PDZRN3: variants seen among roughly 807,000 people sequenced by gnomAD.
PDZRN3 encodes PDZ domain containing ring finger 3.
Under a neutral mutation model 85.7 loss-of-function variants are expected in PDZRN3, and 38 were observed. That is an observed-to-expected ratio of 0.44 (90% confidence interval 0.34 to 0.58). PDZRN3 has a LOEUF of 0.58. Among genes scored for constraint, PDZRN3 ranks in the 20% least tolerant of loss-of-function variants. PDZRN3 has a pLI of 0.01. For missense variants in PDZRN3, 1,629 were observed against 1,506.4 expected, an observed-to-expected ratio of 1.08 and a Z score of -1.35; for synonymous variants, 759 against 638.0, an observed-to-expected ratio of 1.19 and a Z score of -2.86.
chr3:73,472,708 T>A (rs1389607072), intron 3 of PDZRN3, among the ~76,000 whole-genome samples: 1 of 152,230 alleles, frequency 6.6e-6, no homozygotes, highest in Middle Eastern at 3.2e-3. Flanking sequence ...ACACTTTCCA[T>A]TATTAAACCT....
rs144046136 is a variant in PDZRN3, at chr3:73,436,076, G to A, written c.919-31681C>T. The stretch of plus-strand genomic sequence containing the variant: ...CCTTCCAACCCCCATCCCCATCTCC[G>A]CTCAAATGAAGCCTCCTTAGAAAAG... On this transcript the variant is annotated intron_variant, in intron 3 of 9. Coordinates refer to ENST00000263666, the MANE Select transcript of PDZRN3 (RefSeq NM_015009.3). 1.3e-4 allele frequency among the ~76,000 whole-genome samples: 20 copies of A among 152,042 alleles called. No homozygotes were observed. The East Asian group carries it at 3.9e-3, about 29-fold the overall frequency.
intron 3 of PDZRN3, among the ~76,000 whole-genome samples, chr3:73,488,898 C>G (rs4234171): frequency 6.6e-6 from 1 of 152,116 alleles, no homozygotes; most frequent in Non-Finnish European, 1.5e-5. Context: ...GATTTCCATC[C>G]TTGGTGGGGC....
chr3:73,611,978 C>T (rs1189823453), intron 1 of PDZRN3, among the ~76,000 whole-genome samples: 1 of 152,144 alleles, frequency 6.6e-6, no homozygotes, highest in Non-Finnish European at 1.5e-5. Flanking sequence ...AGGCTCTTAT[C>T]GAAGCTGCTT....
chr3:73,612,499 C>A (rs112420650), intron 1 of PDZRN3, among the ~76,000 whole-genome samples: 47 of 152,172 alleles, frequency 3.1e-4, no homozygotes, highest in African/African-American at 1.1e-3. Context: ...TCTATTATAC[C>A]CTGAAAAGTA....
intron 3 of PDZRN3, among the ~76,000 whole-genome samples, chr3:73,423,191 C>A (rs1702237632): frequency 6.6e-6 from 1 of 152,180 alleles, no homozygotes; most frequent in African/African-American, 2.4e-5. Flanking sequence ...ATAGTAATTT[C>A]TCTGTTTTGA....
chr3:73,461,740 A>C (rs557718197), intron 3 of PDZRN3, among the ~76,000 whole-genome samples: 2 of 152,194 alleles, frequency 1.3e-5, no homozygotes, highest in African/African-American at 4.8e-5. Context: ...ATGTGTACAT[A>C]AAAAAAGTAT....
At chr3:73,439,014 C>T (rs1229658045) in intron 3 of PDZRN3, among the ~76,000 whole-genome samples, 1 of 152,190 alleles carries the variant, frequency 6.6e-6, no homozygotes, top group African/African-American at 2.4e-5. Flanking sequence ...TAAGTCTCAC[C>T]TCCTCTGTCC....
At chr3:73,418,925 G>A (rs938760279) in intron 3 of PDZRN3, among the ~76,000 whole-genome samples, 1 of 152,180 alleles carries the variant, frequency 6.6e-6, no homozygotes, top group Admixed American at 6.5e-5. Flanking sequence ...CCTGGCCAAA[G>A]CACAGTTCTG....
At chr3:73,464,468 T>A (rs1703171583) in intron 3 of PDZRN3, among the ~76,000 whole-genome samples, 1 of 152,232 alleles carries the variant, frequency 6.6e-6, no homozygotes, top group African/African-American at 2.4e-5. Context: ...GCTCTAATTG[T>A]CATTGTTGAA....
At chr3:73,431,414 T>C (rs1037979884) in intron 3 of PDZRN3, among the ~76,000 whole-genome samples, 1 of 152,224 alleles carries the variant, frequency 6.6e-6, no homozygotes, top group Non-Finnish European at 1.5e-5. Flanking sequence ...GTCTGAGCCC[T>C]GGAATATTTG....
At chr3:73,451,610 T>G (rs117120091) in intron 3 of PDZRN3, among the ~76,000 whole-genome samples, 1 of 151,964 alleles carries the variant, frequency 6.6e-6, no homozygotes, top group Non-Finnish European at 1.5e-5. Flanking sequence ...CAAAGCAAAG[T>G]TGGTTTTAGA....
intron 5 of PDZRN3, among the ~76,000 whole-genome samples, chr3:73,396,331 G>A (rs566717129): frequency 1.3e-5 from 2 of 152,322 alleles, no homozygotes; most frequent in African/African-American, 2.4e-5. Flanking sequence ...GGCATGTAAC[G>A]ATCTGGGGCA....
At chr3:73,496,241 T>A (rs1703864051) in intron 3 of PDZRN3, among the ~76,000 whole-genome samples, 1 of 152,224 alleles carries the variant, frequency 6.6e-6, no homozygotes, top group South Asian at 2.1e-4. Flanking sequence ...TCCAAGTTGT[T>A]GATGCCTATT....
intron 3 of PDZRN3, among the ~76,000 whole-genome samples, chr3:73,574,458 G>GGC (rs1407608681): frequency 2.1e-3 from 29 of 13,542 alleles, no homozygotes; most frequent in African/African-American, 8.3e-3. Flanking sequence ...TGGCTGGGGT[G>GGC]GGGGGGGTGG....
chr3:73,426,111 T>C (rs1163311365), intron 3 of PDZRN3, among the ~76,000 whole-genome samples: 1 of 152,028 alleles, frequency 6.6e-6, no homozygotes, highest in African/African-American at 2.4e-5. Context: ...TAGGAGGATA[T>C]AGGATAATGC....
intron 2 of PDZRN3, among the ~76,000 whole-genome samples, chr3:73,607,101 C>T (rs1316681034): frequency 1.3e-5 from 2 of 152,148 alleles, no homozygotes; most frequent in Admixed American, 6.5e-5. Context: ...CTTGTATGAG[C>T]GCCAATCCCC....
intron 3 of PDZRN3, among the ~76,000 whole-genome samples, chr3:73,447,361 C>T (rs998116584): frequency 6.6e-6 from 1 of 152,076 alleles, no homozygotes; most frequent in Non-Finnish European, 1.5e-5. Context: ...TGTCTCCTCC[C>T]TCTCCAGGCC....
chr3:73,624,482 G>C lies in PDZRN3; in HGVS notation c.344C>G (p.Ala115Gly). 7.1e-7 allele frequency: 1 copy of C among 1,402,990 alleles called. No individual in the cohort carries two copies. The highest frequency in any genetic ancestry group is 9.2e-7 in the Non-Finnish European group (1 of 1,086,304). The allele number at this position is 1,402,990 out of a possible 1,614,324, so 86.9% of individuals were successfully genotyped here. The change falls in exon 1 of 10, where the codon GCG (alanine) becomes GGG (glycine). Residue 115 changes from alanine to glycine, a missense_variant. Transcript: ENST00000263666. ...CCGCAGCAGCACCTGGCCGCAACCC[G>C]CGTGGCGACAGCGCGCGGGCGCGAA... Reference protein sequence around the residue: ...CDFAPARCRHAGCGQVLLRRD... With the variant: ...CDFAPARCRHGGCGQVLLRRD...
intron 3 of PDZRN3, among the ~76,000 whole-genome samples, chr3:73,542,392 C>T (rs1372000660): frequency 2.6e-5 from 4 of 152,170 alleles, no homozygotes; most frequent in Non-Finnish European, 5.9e-5. Context: ...CTCAGTGGAT[C>T]TTCAGTAACT....
Sources: gnomAD v4.1 joint callset for allele counts (sites outside exome capture counted in the v4.1 genomes callset) on GRCh38, gnomAD v4.1.1 for gene constraint, MANE v1.5 for transcripts, NCBI Gene and HGNC (gene_info 2026-07-23, HGNC 2026-07-21) for gene names.